Variants in KLHL35 observed in about 807,000 individuals in gnomAD.
KLHL35 encodes the protein kelch like family member 35.
A neutral mutation model predicts 44.0 loss-of-function variants in KLHL35; 50 were observed. The observed-to-expected ratio is 1.14, with a 90% CI of 0.91 to 1.44. The LOEUF is 1.44. KLHL35 is among the 40% of genes most tolerant of loss of function. KLHL35 has a pLI of 0.00. For synonymous variants in KLHL35, 470 were observed against 410.4 expected (o/e 1.15, Z -1.76); for missense variants, 1,049 against 887.8 (o/e 1.18, Z -2.31).
chr11:75,425,864 A>G (rs1948487071), intron 4 of KLHL35: 3 of 371,180 alleles, frequency 8.1e-6, no homozygotes, highest in Non-Finnish European at 1.4e-5. Flanking sequence ...CTTAATAATA[A>G]TAGCTAGTAT....
At position 75,423,852 on chromosome 11, in the gene KLHL35, C is replaced by T. The variant is rs772360927; in HGVS notation, c.1403G>A (p.Arg468Gln). The change falls in exon 6 of 7, where the codon CGG (arginine) becomes CAG (glutamine). Residue 468 changes from arginine to glutamine, a missense_variant. By Grantham distance (43) the Arg-to-Gln change is conservative. Transcript: ENST00000539798. ...GGGTGCTGGTGACCGCAGGCTCCAC[C>T]GGTCCTCCTTGGGGTCAAAGCACTG... is the stretch of plus-strand genomic sequence containing the variant. ...KVQCFDPKEDRWSLRSPAPFS... is the reference protein window; with the variant it reads ...KVQCFDPKEDQWSLRSPAPFS... 33 of 1,613,422 alleles carry T rather than the reference C, an allele frequency of 2.0e-5. No individual in the cohort carries two copies. The Middle Eastern group carries it at 4.9e-4, about 24-fold the overall frequency.
At chr11:75,430,941 G>A (rs1433815388) in intron 1 of KLHL35, among the ~76,000 whole-genome samples, 1 of 152,238 alleles carries the variant, frequency 6.6e-6, no homozygotes, top group African/African-American at 2.4e-5. Context: ...GTCTAATAAA[G>A]GAACTATTTT....
chr11:75,431,672 C>T (rs1333673841), intron 1 of KLHL35, among the ~76,000 whole-genome samples: 1 of 152,190 alleles, frequency 6.6e-6, no homozygotes, highest in Non-Finnish European at 1.5e-5. Context: ...CACAGGCTTA[C>T]GGTGTGGCCG....
At chr11:75,422,794 T>G in intron 6 of KLHL35, 26 bp from the exon 7 acceptor site, 1 of 1,601,790 alleles carries the variant, frequency 6.2e-7, no homozygotes, top group Non-Finnish European at 8.5e-7. Flanking sequence ...GAAAGACAAC[T>G]ATCAGGTCCA....
intron 2 of KLHL35, among the ~76,000 whole-genome samples, chr11:75,429,219 C>T (rs1427855951): frequency 6.6e-6 from 1 of 152,210 alleles, no homozygotes; most frequent in Non-Finnish European, 1.5e-5. Flanking sequence ...TTTCCATACC[C>T]TTTTAGCCAT....
chr11:75,430,000 C>A lies in KLHL35; in HGVS notation c.630G>T (p.Val210=). ...CTTCAAACACGGCCTCCTCGCGCGC[C>A]ACGCCCAGCGCGGGGTCCGCCAGCA... ...VALLADPALG[V]AREEAVFEAA... The change falls in exon 2 of 7, where the codon GTG becomes GTT. Residue 210 remains valine, a synonymous_variant. Coordinates refer to ENST00000539798, the MANE Select transcript of KLHL35 (RefSeq NM_001039548.3). The A allele has an allele frequency of 7.1e-7, 1 of 1,416,840 alleles. No individual in the cohort carries two copies. The highest frequency in any genetic ancestry group is 3.1e-5 in the East Asian group (1 of 32,214). 87.8% of individuals were successfully genotyped at this position (1,416,840 alleles called of 1,614,324 possible). A position where few individuals can be genotyped will look rare whatever the true frequency, so the allele number is the denominator to read the frequency against.
chr11:75,430,695 G>T (rs1316755880), intron 1 of KLHL35, 65 bp from the exon 2 acceptor site: 2 of 1,240,412 alleles, frequency 1.6e-6, no homozygotes, highest in Non-Finnish European at 2.0e-6. Flanking sequence ...AGAGGCGACA[G>T]CCCTCATCCG....
chr11:75,430,717 T>A, intron 1 of KLHL35, 87 bp from the exon 2 acceptor site: 1 of 1,131,654 alleles, frequency 8.8e-7, no homozygotes, highest in Non-Finnish European at 1.1e-6. Context: ...TTATTTCCTC[T>A]CTTGACCATT....
chr11:75,426,871 G>A, intron 3 of KLHL35: 1 of 406,434 alleles, frequency 2.5e-6, no homozygotes, highest in Non-Finnish European at 4.5e-6. Context: ...TCAGGAAGAA[G>A]GGGCTGGTTT....
At position 75,433,033 on chromosome 11, in the gene KLHL35, T is replaced by C. The variant is rs1307861876; in HGVS notation, c.-2+10A>G. On this transcript the variant is annotated intron_variant, in intron 1 of 6. Transcript: ENST00000539798. ...CAGCCTAAGCCTTGCCCCATGCACC[T>C]GGCACTTACCTGGCCATACCCTCTC... 2.0e-5 allele frequency among the ~76,000 whole-genome samples: 3 copies of C among 152,214 alleles called. No individual in the cohort carries two copies. The highest frequency in any genetic ancestry group is 7.2e-5 in the African/African-American group (3 of 41,454).
At chr11:75,428,414 T>A (rs947849499) in intron 3 of KLHL35, 28 bp downstream of exon 3, 2 of 1,610,640 alleles carry the variant, frequency 1.2e-6, no homozygotes, top group African/African-American at 1.3e-5. Context: ...CAATCCCGTG[T>A]GAGCTCCCGT....
At chr11:75,427,996 G>A (rs1490054444) in intron 3 of KLHL35, among the ~76,000 whole-genome samples, 2 of 152,180 alleles carry the variant, frequency 1.3e-5, no homozygotes, top group South Asian at 2.1e-4. Flanking sequence ...TGAGCCTTAG[G>A]GAGGACACAG....
At position 75,429,926 on chromosome 11, in the gene KLHL35, A is replaced by T; in HGVS notation, c.704T>A (p.Leu235Gln). Reference protein sequence around the residue: ...RHDAPARRGQLRRLLEHVRLP... With the variant: ...RHDAPARRGQQRRLLEHVRLP... The stretch of plus-strand genomic sequence containing the variant: ...GCGCACGTGCTCCAGCAGGCGTCGC[A>T]GCTGGCCGCGGCGGGCCGGCGCGTC... Residue 235 changes from leucine to glutamine, a missense_variant, in exon 2 of 7, where the codon CTG becomes CAG. By Grantham distance (113) the Leu-to-Gln change is moderately radical. Coordinates refer to ENST00000539798, the MANE Select transcript of KLHL35 (RefSeq NM_001039548.3). 6.8e-7 allele frequency: 1 copy of T among 1,473,824 alleles called. No homozygotes were observed. Among genetic ancestry groups the T allele is most frequent in the African/African-American group, 1.5e-5 (1 of 67,984 alleles). The allele number at this position is 1,473,824 out of a possible 1,614,324, so 91.3% of individuals were successfully genotyped here.
At chr11:75,431,411 G>A (rs1948536105) in intron 1 of KLHL35, among the ~76,000 whole-genome samples, 1 of 152,192 alleles carries the variant, frequency 6.6e-6, no homozygotes. Flanking sequence ...TGGCGGGGGT[G>A]CCATGGGGAG....
At chr11:75,431,574 A>C (rs1394059379) in intron 1 of KLHL35, among the ~76,000 whole-genome samples, 1 of 152,180 alleles carries the variant, frequency 6.6e-6, no homozygotes, top group Non-Finnish European at 1.5e-5. Flanking sequence ...CCCTCTCTCT[A>C]GTGAGTTCTC....
At position 75,425,557 on chromosome 11, in the gene KLHL35, C is replaced by T. The variant is rs143705265; in HGVS notation, c.1210G>A (p.Gly404Ser). 1.8e-4 allele frequency: 273 copies of T among 1,487,304 alleles called. No homozygotes were observed. The highest frequency in any genetic ancestry group is 7.7e-4 in the Middle Eastern group (4 of 5,222). 92.1% of individuals were successfully genotyped at this position (1,487,304 alleles called of 1,614,324 possible). A position where few individuals can be genotyped will look rare whatever the true frequency, so the allele number is the denominator to read the frequency against. ...GQLFAVGGFD[G>S]LRRLHSVERY... ...TCCACGCTGTGCAGGCGCCTCAGGC[C>T]GTCGAAGCCACCCACCGCGAACAGC... Residue 404 changes from glycine to serine, a missense_variant, in exon 5 of 7, where the codon GGC becomes AGC. Physicochemically the swap from Gly to Ser is moderately conservative, Grantham distance 56. Coordinates refer to ENST00000539798, the MANE Select transcript of KLHL35 (RefSeq NM_001039548.3).
intron 4 of KLHL35, 41 bp downstream of exon 4, chr11:75,426,479 G>T: frequency 7.2e-7 from 1 of 1,394,860 alleles, no homozygotes; most frequent in African/African-American, 1.4e-5. Flanking sequence ...CCACAGATCT[G>T]TACCTTGTGT....
rs973111743 is a variant in KLHL35 at position 75,422,739 on chromosome 11, C to T, written c.1593G>A (p.Gly531=). ...VESCGVTVCD[G]KVHILGGRDD... ...CCCGCCCGCCAAGGATGTGGACCTT[C>T]CCGTCACACACAGTGACTCCACAGC... The change falls in exon 7 of 7, where the codon GGG becomes GGA. Residue 531 remains glycine, a synonymous_variant. Coordinates refer to ENST00000539798, the MANE Select transcript of KLHL35 (RefSeq NM_001039548.3). 2 of 1,613,916 alleles carry T rather than the reference C, an allele frequency of 1.2e-6. No individual in the cohort carries two copies. The highest frequency in any genetic ancestry group is 1.3e-5 in the African/African-American group (1 of 75,042).
chr11:75,428,605 C>T lies in KLHL35; in HGVS notation c.903G>A (p.Val301=), dbSNP rs1318857991. The change falls in exon 3 of 7, where the codon GTG becomes GTA. Residue 301 remains valine, a synonymous_variant. Coordinates refer to ENST00000539798, the MANE Select transcript of KLHL35 (RefSeq NM_001039548.3). ...RPRRFMDLAE[V]IVVIGGCDRK... is the part of the protein sequence containing the mutation. The stretch of plus-strand genomic sequence containing the variant: ...GGTCGCAACCGCCGATGACCACGAT[C>T]ACTTCAGCTAGGTCCATGAATCTGG... The T allele has an allele frequency of 3.7e-6, 6 of 1,601,334 alleles. No homozygotes were observed. Among genetic ancestry groups the T allele is most frequent in the South Asian group, 2.2e-5 (2 of 89,206 alleles).
Sources: gnomAD v4.1 joint callset for allele counts (sites outside exome capture counted in the v4.1 genomes callset) on GRCh38, gnomAD v4.1.1 for gene constraint, MANE v1.5 for transcripts, NCBI Gene and HGNC (gene_info 2026-07-23, HGNC 2026-07-21) for gene names.